ADAMTSL1: variants seen among roughly 807,000 people sequenced by gnomAD.
ADAMTSL1 encodes ADAMTS like 1.
Under a neutral mutation model 201.8 loss-of-function variants are expected in ADAMTSL1, and 126 were observed. The ratio of observed to expected loss-of-function variants is 0.62; its 90% CI spans 0.54 to 0.72. The LOEUF (loss-of-function observed/expected upper bound fraction) is 0.72. Among genes scored for constraint, ADAMTSL1 ranks in the 30% least tolerant of loss-of-function variants. ADAMTSL1 has a pLI of 0.00. For missense variants in ADAMTSL1, 2,679 were observed against 2,277.8 expected, an observed-to-expected ratio of 1.18 and a Z score of -3.59; for synonymous variants, 1,121 against 903.4, an observed-to-expected ratio of 1.24 and a Z score of -4.32.
chr9:18,474,626 C>G (rs1821361818), intron 1 of ADAMTSL1, among the ~76,000 whole-genome samples: 1 of 152,100 alleles, frequency 6.6e-6, no homozygotes, highest in Non-Finnish European at 1.5e-5. Context: ...ATTTGGATAA[C>G]AGACATCCTG....
intron 16 of ADAMTSL1, among the ~76,000 whole-genome samples, chr9:18,762,746 T>A (rs1456984353): frequency 6.6e-6 from 1 of 151,942 alleles, no homozygotes; most frequent in Non-Finnish European, 1.5e-5. Context: ...AGTGAGAACA[T>A]GTGATGTTTG....
At chr9:18,789,425 C>T (rs1821897393) in intron 19 of ADAMTSL1, among the ~76,000 whole-genome samples, 3 of 152,270 alleles carry the variant, frequency 2.0e-5, no homozygotes, top group Admixed American at 2.0e-4. Flanking sequence ...GGGATTTGAT[C>T]CCATCATTAA....
chr9:18,259,753 T>C (rs1199270847), intron 2 of ADAMTSL1, among the ~76,000 whole-genome samples: 1 of 152,172 alleles, frequency 6.6e-6, no homozygotes, highest in Non-Finnish European at 1.5e-5. Flanking sequence ...GCTTGTAAGA[T>C]GAAATAAGGT....
chr9:18,582,642 A>AT (rs1485768929), intron 4 of ADAMTSL1, among the ~76,000 whole-genome samples: 2 of 151,914 alleles, frequency 1.3e-5, no homozygotes, highest in African/African-American at 2.4e-5. Context: ...AGGTCAGGAG[A>AT]TTGAGACCAT....
chr9:18,905,597 A>T, intron 26 of ADAMTSL1, 185 bp from the exon 27 acceptor site: 1 of 575,764 alleles, frequency 1.7e-6, no homozygotes, highest in Admixed American at 2.9e-5. Flanking sequence ...AGGAAATCTA[A>T]CCATCCCATA....
chr9:18,777,705 G>T lies in ADAMTSL1; in HGVS notation c.3476G>T (p.Arg1159Met). The T allele has an allele frequency of 1.2e-6, 2 of 1,613,468 alleles. No individual in the cohort carries two copies. Among genetic ancestry groups the T allele is most frequent in the East Asian group, 2.2e-5 (1 of 44,868 alleles). Residue 1159 changes from arginine to methionine, a missense_variant, in exon 19 of 29, where the codon AGG (arginine) becomes ATG (methionine). Arg to Met is a moderately conservative substitution (Grantham distance 91). Coordinates refer to ENST00000380548, the MANE Select transcript of ADAMTSL1 (RefSeq NM_001040272.6). The stretch of plus-strand genomic sequence containing the variant: ...GGGGACGCCGGGGGAGGCTCTCGAA[G>T]GCCACACCGCAAGCCCACCATCCTG... ...STGDAGGGSRRPHRKPTILRK... is the reference protein window; with the variant it reads ...STGDAGGGSRMPHRKPTILRK...
At chr9:18,580,783 A>G (rs1424223550) in intron 4 of ADAMTSL1, among the ~76,000 whole-genome samples, 2 of 152,206 alleles carry the variant, frequency 1.3e-5, no homozygotes, top group African/African-American at 4.8e-5. Context: ...CTGAAAATAC[A>G]TTAATGGACA....
chr9:18,363,915 C>T (rs549442256), intron 2 of ADAMTSL1, among the ~76,000 whole-genome samples: 20 of 137,634 alleles, frequency 1.5e-4, no homozygotes, highest in African/African-American at 4.7e-4. Flanking sequence ...AGGATTAAGA[C>T]CACTAGAAAT....
intron 20 of ADAMTSL1, among the ~76,000 whole-genome samples, chr9:18,816,486 C>T (rs1322664668): frequency 6.6e-6 from 1 of 152,198 alleles, no homozygotes; most frequent in Non-Finnish European, 1.5e-5. Flanking sequence ...ATCGACCCAC[C>T]TCAGCCTCCC....
chr9:18,179,737 A>G (rs1427068549), intron 2 of ADAMTSL1, among the ~76,000 whole-genome samples: 1 of 152,206 alleles, frequency 6.6e-6, no homozygotes, highest in Non-Finnish European at 1.5e-5. Flanking sequence ...TCTTAAAGAA[A>G]AGAATTTTCA....
intron 1 of ADAMTSL1, among the ~76,000 whole-genome samples, chr9:18,101,077 T>C (rs1294035892): frequency 6.6e-6 from 1 of 152,170 alleles, no homozygotes; most frequent in Non-Finnish European, 1.5e-5. Context: ...TCTCTTTCTG[T>C]CATCTGTGTT....
At chr9:18,851,437 C>T (rs1826486000) in intron 23 of ADAMTSL1, among the ~76,000 whole-genome samples, 1 of 152,144 alleles carries the variant, frequency 6.6e-6, no homozygotes, top group Non-Finnish European at 1.5e-5. Context: ...CAACTTAATT[C>T]TTGCCTCCTT....
At chr9:18,272,696 C>G (rs1281129463) in intron 2 of ADAMTSL1, among the ~76,000 whole-genome samples, 1 of 152,120 alleles carries the variant, frequency 6.6e-6, no homozygotes, top group Non-Finnish European at 1.5e-5. Context: ...TCCTACCTAC[C>G]ACTTCACAGA....
At chr9:17,984,677 A>G (rs922057188) in intron 1 of ADAMTSL1, among the ~76,000 whole-genome samples, 1 of 152,134 alleles carries the variant, frequency 6.6e-6, no homozygotes, top group Non-Finnish European at 1.5e-5. Flanking sequence ...GTATTGTCAA[A>G]TTACCTTACG....
At chr9:18,703,791 T>G (rs1330051369) in intron 13 of ADAMTSL1, among the ~76,000 whole-genome samples, 1 of 144,804 alleles carries the variant, frequency 6.9e-6, no homozygotes, top group East Asian at 2.1e-4. Flanking sequence ...AACAAGTTCA[T>G]GGGGCTTCAG....
intron 4 of ADAMTSL1, among the ~76,000 whole-genome samples, chr9:18,591,169 T>G (rs953939153): frequency 3.3e-5 from 5 of 152,218 alleles, no homozygotes; most frequent in African/African-American, 1.2e-4. Flanking sequence ...CTTTTAGATC[T>G]GTTAAAATTT....
At chr9:18,367,969 G>C (rs944000910) in intron 2 of ADAMTSL1, among the ~76,000 whole-genome samples, 3 of 151,880 alleles carry the variant, frequency 2.0e-5, no homozygotes, top group African/African-American at 4.8e-5. Flanking sequence ...GCGCGATCTC[G>C]GCTCACTACA....
intron 2 of ADAMTSL1, among the ~76,000 whole-genome samples, chr9:18,392,470 C>T (rs1312157797): frequency 6.6e-6 from 1 of 152,214 alleles, no homozygotes; most frequent in Non-Finnish European, 1.5e-5. Flanking sequence ...TCCTACATCT[C>T]CACTTGGCCT....
chr9:18,651,329 T>C (rs542039449), intron 7 of ADAMTSL1: 1 of 152,352 alleles, frequency 6.6e-6, no homozygotes, highest in East Asian at 1.9e-4. Context: ...AGAGTCCTCC[T>C]TAGTCATAGG....
Sources: gnomAD v4.1 joint callset for allele counts (sites outside exome capture counted in the v4.1 genomes callset) on GRCh38, gnomAD v4.1.1 for gene constraint, MANE v1.5 for transcripts, NCBI Gene and HGNC (gene_info 2026-07-23, HGNC 2026-07-21) for gene names.